Variants in THSD7A observed in about 807,000 individuals in gnomAD.
The protein encoded by THSD7A is thrombospondin type 1 domain containing 7A.
THSD7A carries 96 observed loss-of-function variants against 231.3 expected under a neutral mutation model. The observed-to-expected ratio is 0.41, with a 90% CI of 0.35 to 0.49. The LOEUF (loss-of-function observed/expected upper bound fraction) is 0.49, where lower values mean the gene tolerates loss of function less well. Among genes scored for constraint, THSD7A ranks in the 20% least tolerant of loss-of-function variants. The pLI, the probability that THSD7A is intolerant of heterozygous loss-of-function variation, is 0.05. For missense variants in THSD7A, 2,290 were observed against 2,070.2 expected (o/e 1.11, Z -2.06); for synonymous variants, 940 against 743.3 (o/e 1.26, Z -4.30).
intron 4 of THSD7A, among the ~76,000 whole-genome samples, chr7:11,579,873 T>A (rs1278699755): frequency 6.6e-6 from 1 of 152,200 alleles, no homozygotes; most frequent in Non-Finnish European, 1.5e-5. Flanking sequence ...TGCATGTGTT[T>A]CTGTTTCTCA....
At chr7:11,508,227 C>CA (rs1281390595) in intron 6 of THSD7A, among the ~76,000 whole-genome samples, 1 of 151,892 alleles carries the variant, frequency 6.6e-6, no homozygotes, top group African/African-American at 2.4e-5. Context: ...GACAAAGAAC[C>CA]AAAAAGAATA....
chr7:11,541,841 A>C (rs957390257), intron 5 of THSD7A, among the ~76,000 whole-genome samples: 1 of 152,180 alleles, frequency 6.6e-6, no homozygotes, highest in Admixed American at 6.5e-5. Flanking sequence ...GGAATGAAAA[A>C]AAATGAGAAC....
chr7:11,445,900 T>G (rs10262052), intron 13 of THSD7A, among the ~76,000 whole-genome samples, 161 bp downstream of exon 13: 1 of 151,776 alleles, frequency 6.6e-6, no homozygotes, highest in Non-Finnish European at 1.5e-5. Flanking sequence ...TGCCATTGAA[T>G]GTCCTGTTAC....
intron 1 of THSD7A, among the ~76,000 whole-genome samples, chr7:11,726,269 T>C (rs375623585): frequency 5.9e-5 from 9 of 151,964 alleles, no homozygotes; most frequent in Non-Finnish European, 1.2e-4. Flanking sequence ...ATATTTCTAA[T>C]AGAAAATGAA....
At chr7:11,647,597 C>A (rs1429671776) in intron 1 of THSD7A, among the ~76,000 whole-genome samples, 1 of 152,006 alleles carries the variant, frequency 6.6e-6, no homozygotes, top group Non-Finnish European at 1.5e-5. Flanking sequence ...AAGATATATT[C>A]TTTTGAATAA....
intron 1 of THSD7A, among the ~76,000 whole-genome samples, chr7:11,644,185 T>G (rs1367501349): frequency 1.3e-5 from 2 of 152,084 alleles, no homozygotes; most frequent in African/African-American, 4.8e-5. Flanking sequence ...TTGCTTATTT[T>G]ATACTCGTTT....
chr7:11,647,887 C>T (rs1782343674), intron 1 of THSD7A, among the ~76,000 whole-genome samples: 1 of 152,028 alleles, frequency 6.6e-6, no homozygotes, highest in African/African-American at 2.4e-5. Flanking sequence ...TAGCACCCAT[C>T]CCTGATACAA....
chr7:11,527,801 T>C (rs1039273770), intron 6 of THSD7A, among the ~76,000 whole-genome samples: 1 of 152,084 alleles, frequency 6.6e-6, no homozygotes, highest in African/African-American at 2.4e-5. Flanking sequence ...AGACCTCTTT[T>C]GGGATAAAAA....
At chr7:11,436,574 C>T (rs529161942) in intron 13 of THSD7A, among the ~76,000 whole-genome samples, 1 of 152,074 alleles carries the variant, frequency 6.6e-6, no homozygotes, top group East Asian at 1.9e-4. Context: ...TTTCACATAG[C>T]ATTTCACTGG....
At chr7:11,615,570 T>A (rs1429151563) in intron 2 of THSD7A, among the ~76,000 whole-genome samples, 1 of 152,214 alleles carries the variant, frequency 6.6e-6, no homozygotes, top group Non-Finnish European at 1.5e-5. Context: ...AATTCACCTA[T>A]GTCTATAATT....
chr7:11,724,785 T>C (rs1013625890), intron 1 of THSD7A, among the ~76,000 whole-genome samples: 2 of 151,846 alleles, frequency 1.3e-5, no homozygotes, highest in Non-Finnish European at 2.9e-5. Context: ...GTGCATAAAT[T>C]CAAGGAGAAA....
intron 2 of THSD7A, among the ~76,000 whole-genome samples, chr7:11,598,553 C>T (rs1208794026): frequency 6.6e-6 from 1 of 152,172 alleles, no homozygotes; most frequent in South Asian, 2.1e-4. Context: ...CTGCTAAGTG[C>T]CCAATTTGCC....
intron 1 of THSD7A, chr7:11,820,822 C>T: frequency 1.0e-6 from 1 of 989,396 alleles, no homozygotes. Flanking sequence ...TCCGGTGCTT[C>T]TTCTGCTTCT....
intron 2 of THSD7A, among the ~76,000 whole-genome samples, chr7:11,629,242 G>A (rs1469736943): frequency 1.3e-5 from 2 of 152,168 alleles, no homozygotes; most frequent in African/African-American, 4.8e-5. Context: ...ATGGGGAAGA[G>A]GTGATAGTGG....
rs182658269 is a variant in THSD7A at position 11,403,478 on chromosome 7, C to T, written c.4238-1510G>A. 2.1e-3 allele frequency among the ~76,000 whole-genome samples: 320 copies of T among 152,166 alleles called. 2 individuals are homozygous for T. The highest frequency in any genetic ancestry group is 3.4e-3 in the Non-Finnish European group (228 of 67,982). On this transcript the variant is annotated intron_variant, in intron 22 of 27. Transcript: ENST00000423059. ...AAATAGTCTGAGAAAGTTTTAGAAA[C>T]GCTTTTATTTCCTAGGAAATGTCAC...
intron 6 of THSD7A, among the ~76,000 whole-genome samples, chr7:11,511,548 A>G: frequency 6.6e-6 from 1 of 152,252 alleles, no homozygotes; most frequent in Non-Finnish European, 1.5e-5. Context: ...ACAAGGCTAC[A>G]GTAACCAAAA....
chr7:11,406,610 C>T lies in THSD7A; in HGVS notation c.4063-136G>A. The T allele has an allele frequency of 1.0e-6, 1 of 972,970 alleles. No homozygotes were observed. Among genetic ancestry groups the T allele is most frequent in the Non-Finnish European group, 1.5e-6 (1 of 677,048 alleles). 60.3% of individuals were successfully genotyped at this position (972,970 alleles called of 1,614,324 possible). On this transcript the variant is annotated intron_variant, in intron 21 of 27. Transcript: ENST00000423059. This position sits in a 1 kb window ranked among gnomAD's most constrained non-coding sequence, Gnocchi z 4.7. ...GGATTTGAAACCCTAGGGAAGAAGC[C>T]CTATAGGGCACTAGCAATAAAGCAT...
intron 1 of THSD7A, among the ~76,000 whole-genome samples, chr7:11,817,537 C>A (rs1784743996): frequency 6.6e-6 from 1 of 152,080 alleles, no homozygotes; most frequent in African/African-American, 2.4e-5. Context: ...CATTCATATG[C>A]AGATCCAAGG....
At chr7:11,639,561 G>A (rs913251678) in intron 1 of THSD7A, among the ~76,000 whole-genome samples, 6 of 152,006 alleles carry the variant, frequency 3.9e-5, no homozygotes, top group Non-Finnish European at 7.4e-5. Flanking sequence ...CTAGCTACTC[G>A]GGAGGCTGAG....
Sources: gnomAD v4.1 joint callset for allele counts (sites outside exome capture counted in the v4.1 genomes callset) on GRCh38, gnomAD v4.1.1 for gene constraint, Gnocchi (gnomAD v3.1) non-coding constraint, MANE v1.5 for transcripts, NCBI Gene and HGNC (gene_info 2026-07-23, HGNC 2026-07-21) for gene names.